MMD2: variants seen among roughly 807,000 people sequenced by gnomAD.
The protein encoded by MMD2 is monocyte to macrophage differentiation associated 2, also known as monocyte to macrophage differentiation factor 2.
Under a neutral mutation model 33.5 loss-of-function variants are expected in MMD2, and 30 were observed. The observed-to-expected ratio is 0.90, with a 90% CI of 0.67 to 1.22. The LOEUF (loss-of-function observed/expected upper bound fraction) is 1.22. Ranked by LOEUF, MMD2 falls within the 50% of genes most tolerant of loss-of-function variation. MMD2 has a pLI of 0.00. For synonymous variants in MMD2, 129 were observed against 123.0 expected, an observed-to-expected ratio of 1.05 and a Z score of -0.32; for missense variants, 364 against 325.4, an observed-to-expected ratio of 1.12 and a Z score of -0.91.
At chr7:4,894,840 G>C in the MMD2 span, among the ~76,000 whole-genome samples, 2 of 152,068 alleles carry the variant, frequency 1.3e-5, no homozygotes, top group Non-Finnish European at 2.9e-5. This position sits in a 1 kb window ranked among gnomAD's most constrained non-coding sequence, Gnocchi z 4.3. Context: ...GGAAGAATCA[G>C]GTCACCCAAA....
chr7:4,918,836 A>G (rs1477020734), intron 3 of MMD2, among the ~76,000 whole-genome samples: 1 of 151,580 alleles, frequency 6.6e-6, no homozygotes, highest in African/African-American at 2.4e-5. Flanking sequence ...AGTGGCTCAC[A>G]CTTGTAATCC....
In MMD2 at chr7:4,907,082, C is replaced by A; in HGVS notation, c.*314G>T. On this transcript the variant is annotated 3_prime_UTR_variant, in exon 7 of 7. Transcript: ENST00000401401. ...AGGACCTTAGGAAACACAGATTGGC[C>A]CGTCATTCCCCAATTTTCCAGGACC... 1 of 350,750 alleles carries A rather than the reference C, an allele frequency of 2.9e-6. No homozygotes were observed. The allele number at this position is 350,750 out of a possible 1,614,324, so 21.7% of individuals were successfully genotyped here. A position where few individuals can be genotyped will look rare whatever the true frequency, so the allele number is the denominator to read the frequency against.
At chr7:4,896,902 C>G in the MMD2 span, among the ~76,000 whole-genome samples, 2 of 151,788 alleles carry the variant, frequency 1.3e-5, no homozygotes, top group African/African-American at 2.4e-5. Flanking sequence ...CTCTGTAGCC[C>G]AGGCTGGAGT....
downstream of MMD2, among the ~76,000 whole-genome samples, chr7:4,903,008 C>T (rs562067736): frequency 6.6e-6 from 1 of 152,268 alleles, no homozygotes; most frequent in South Asian, 2.1e-4. Context: ...GCGGCCGAGG[C>T]GGGCAGATCA....
intron 1 of MMD2, among the ~76,000 whole-genome samples, chr7:4,934,961 G>A (rs1216250794): frequency 2.6e-5 from 4 of 152,156 alleles, no homozygotes; most frequent in African/African-American, 7.2e-5. Flanking sequence ...TGAGGTGGGC[G>A]GATAACCTGA....
chr7:4,931,837 T>C (rs568137396), intron 1 of MMD2, among the ~76,000 whole-genome samples: 1 of 152,278 alleles, frequency 6.6e-6, no homozygotes, highest in Admixed American at 6.5e-5. Context: ...AGTGCTGAGA[T>C]TACAGGAATG....
At chr7:4,919,498 G>A (rs1158930078) in intron 3 of MMD2, among the ~76,000 whole-genome samples, 1 of 152,080 alleles carries the variant, frequency 6.6e-6, no homozygotes, top group Admixed American at 6.6e-5. Context: ...AGCCCTGGAG[G>A]TGGAGGCTAC....
chr7:4,892,713 G>T, the MMD2 span, among the ~76,000 whole-genome samples: 1 of 151,762 alleles, frequency 6.6e-6, no homozygotes, highest in African/African-American at 2.4e-5. Flanking sequence ...ATGACTAATT[G>T]CAATTTCTCT....
At chr7:4,934,497 C>G (rs1033140) in intron 1 of MMD2, among the ~76,000 whole-genome samples, 29,571 of 152,184 alleles carry the variant, frequency 0.19, 3,723 homozygotes, top group African/African-American at 0.35. Flanking sequence ...CGGTGGGAAA[C>G]TTCTCTCGAA....
At chr7:4,900,809 TC>T in the MMD2 span, among the ~76,000 whole-genome samples, 1 of 152,100 alleles carries the variant, frequency 6.6e-6, no homozygotes, top group African/African-American at 2.4e-5. Flanking sequence ...ACCTTGCTCT[TC>T]CTGCTAGGGT....
intron 1 of MMD2, among the ~76,000 whole-genome samples, chr7:4,953,750 C>G (rs1002741601): frequency 3.9e-5 from 6 of 152,152 alleles, no homozygotes; most frequent in Non-Finnish European, 7.4e-5. Flanking sequence ...GAATTAAAGG[C>G]GTGAGCCACC....
At chr7:4,897,538 G>C in the MMD2 span, among the ~76,000 whole-genome samples, 1 of 152,158 alleles carries the variant, frequency 6.6e-6, no homozygotes, top group African/African-American at 2.4e-5. Context: ...CCACCCCAGA[G>C]AAAGGCCTTA....
chr7:4,907,742 G>C (rs939494869), intron 6 of MMD2, 143 bp from the exon 7 acceptor site: 13 of 674,512 alleles, frequency 1.9e-5, no homozygotes, highest in Non-Finnish European at 2.9e-5. Context: ...CCTCAACACT[G>C]ACATACCAGC....
At chr7:4,892,878 C>T in the MMD2 span, among the ~76,000 whole-genome samples, 1 of 151,962 alleles carries the variant, frequency 6.6e-6, no homozygotes, top group African/African-American at 2.4e-5. Flanking sequence ...CCACACCTAG[C>T]TAATTTTTTG....
intron 6 of MMD2, chr7:4,909,586 G>C (rs1466866017): frequency 3.2e-6 from 2 of 619,798 alleles, no homozygotes; most frequent in Non-Finnish European, 5.8e-6. Context: ...GAGACTATAG[G>C]TGTGCACCAC....
intron 1 of MMD2, among the ~76,000 whole-genome samples, chr7:4,936,714 A>T (rs1785750264): frequency 6.6e-6 from 1 of 151,938 alleles, no homozygotes. Flanking sequence ...AAAATTATAC[A>T]GGAAATGTTT....
At position 4,916,009 on chromosome 7, in the gene MMD2, G is replaced by A; in HGVS notation, c.361C>T (p.Pro121Ser). 4 of 1,613,826 alleles carry A rather than the reference G, an allele frequency of 2.5e-6. No individual in the cohort carries two copies. The highest frequency in any genetic ancestry group is 3.4e-6 in the Non-Finnish European group (4 of 1,179,800). The stretch of plus-strand genomic sequence containing the variant: ...GGGCGGCGGGACGGTACTCACCAGG[G>A]TGCGTAGGAAGCCGCTATGAAGAAA... Reference protein sequence around the residue: ...IYFFIAASYAPWLNLRELGPW... With the variant: ...IYFFIAASYASWLNLRELGPW... The change falls in exon 4 of 7, where the codon CCC (proline) becomes TCC (serine). Residue 121 changes from proline (P) to serine (S), a missense_variant. By Grantham distance (74) the Pro-to-Ser change is moderately conservative. Coordinates refer to ENST00000401401, the MANE Select transcript of MMD2 (RefSeq NM_198403.4).
intron 6 of MMD2, 64 bp from the exon 7 acceptor site, chr7:4,907,663 G>T (rs1010214031): frequency 1.3e-6 from 2 of 1,554,482 alleles, no homozygotes; most frequent in Non-Finnish European, 1.8e-6. Context: ...GAAAGCACCA[G>T]CCAGTCCCCA....
At chr7:4,893,467 C>T in the MMD2 span, among the ~76,000 whole-genome samples, 2 of 152,032 alleles carry the variant, frequency 1.3e-5, no homozygotes, top group South Asian at 4.2e-4. Flanking sequence ...TCTTGTCTCA[C>T]TGCAACCTCC....
Sources: gnomAD v4.1 joint callset for allele counts (sites outside exome capture counted in the v4.1 genomes callset) on GRCh38, gnomAD v4.1.1 for gene constraint, Gnocchi (gnomAD v3.1) non-coding constraint, MANE v1.5 for transcripts, NCBI Gene and HGNC (gene_info 2026-07-23, HGNC 2026-07-21) for gene names.